The following CAMK4 variants were observed in gnomAD, a reference collection of about 807,000 sequenced individuals.
CAMK4 encodes calcium/calmodulin-dependent protein kinase type IV.
CAMK4 carries 22 observed loss-of-function variants against 44.9 expected under a neutral mutation model. The ratio of observed to expected loss-of-function variants is 0.49; its 90% CI spans 0.35 to 0.70. CAMK4 has a LOEUF of 0.70. Ranked by LOEUF, CAMK4 falls within the 30% of genes least tolerant of loss-of-function variation. CAMK4 has a pLI of 0.01. For synonymous variants in CAMK4, 218 were observed against 215.4 expected (o/e 1.01, Z -0.11); for missense variants, 498 against 586.8 (o/e 0.85, Z 1.56).
chr5:111,481,616 T>C (rs1479080112), intron 9 of CAMK4, among the ~76,000 whole-genome samples: 2 of 152,198 alleles, frequency 1.3e-5, no homozygotes, highest in Admixed American at 1.3e-4. Context: ...TCAAAGCTCC[T>C]TATTTTGCAC....
intron 5 of CAMK4, among the ~76,000 whole-genome samples, chr5:111,407,306 G>C (rs905666742): frequency 6.7e-6 from 1 of 149,904 alleles, no homozygotes; most frequent in Non-Finnish European, 1.5e-5. Flanking sequence ...AGCTGAGATC[G>C]CGCCACTGCA....
intron 1 of CAMK4, among the ~76,000 whole-genome samples, chr5:111,281,364 T>C (rs1217142517): frequency 6.6e-6 from 1 of 152,226 alleles, no homozygotes; most frequent in African/African-American, 2.4e-5. Context: ...AATAATGTTT[T>C]TCTTGCAACC....
chr5:111,332,749 A>C (rs1344169196), intron 1 of CAMK4, among the ~76,000 whole-genome samples: 1 of 151,678 alleles, frequency 6.6e-6, no homozygotes, highest in Non-Finnish European at 1.5e-5. Context: ...CAGGGATTAC[A>C]ACATTGGTGC....
At chr5:111,368,422 C>T (rs947154618) in intron 2 of CAMK4, among the ~76,000 whole-genome samples, 4 of 152,142 alleles carry the variant, frequency 2.6e-5, no homozygotes, top group African/African-American at 7.2e-5. Flanking sequence ...AAAACACCAA[C>T]TTCTGTAATG....
intron 2 of CAMK4, among the ~76,000 whole-genome samples, chr5:111,371,656 A>T (rs1320543626): frequency 1.3e-5 from 2 of 152,214 alleles, no homozygotes; most frequent in African/African-American, 4.8e-5. Flanking sequence ...TAAAATTTCC[A>T]GTTCAATAAA....
intron 1 of CAMK4, among the ~76,000 whole-genome samples, chr5:111,253,084 C>T (rs535341904): frequency 1.2e-4 from 18 of 152,304 alleles, no homozygotes; most frequent in African/African-American, 3.1e-4. Context: ...ACTTGGCTTC[C>T]GCTGATTAAA....
Position 111,489,019 on chromosome 5 carries a change from C to T in CAMK4, c.*4553C>T, listed in dbSNP as rs1755724985. ...TGTTCATCACTGATATGTTCCTGATCAGGGTCATTGCTAGTAGTTGAGCAT... is the reference window on the plus strand; with the variant it reads ...TGTTCATCACTGATATGTTCCTGATTAGGGTCATTGCTAGTAGTTGAGCAT... On this transcript the variant is annotated 3_prime_UTR_variant, in exon 11 of 11. Coordinates refer to ENST00000282356, the MANE Select transcript of CAMK4 (RefSeq NM_001744.6). The T allele has an allele frequency of 6.6e-6, 1 of 152,130 alleles. No individual in the cohort carries two copies. The highest frequency in any genetic ancestry group is 1.5e-5 in the Non-Finnish European group (1 of 68,012). 9.4% of individuals were successfully genotyped at this position (152,130 alleles called of 1,614,324 possible). A position where few individuals can be genotyped will look rare whatever the true frequency, so the allele number is the denominator to read the frequency against.
chr5:111,330,706 T>C (rs1644505), intron 1 of CAMK4, among the ~76,000 whole-genome samples: 63,403 of 149,264 alleles, frequency 0.42, 13,804 homozygotes, highest in South Asian at 0.57. Context: ...TTGGTGTCAA[T>C]AGTGGATCTG....
chr5:111,479,108 C>A lies in CAMK4; in HGVS notation c.828+601C>A, dbSNP rs150852287. Among the ~76,000 whole-genome samples, 4 of 152,194 alleles carry A rather than the reference C, an allele frequency of 2.6e-5. No homozygotes were observed. In the East Asian group the frequency reaches 7.7e-4, roughly 29 times the overall value. Reference sequence around the variant, plus strand: ...TGCCCAGGCTGGTCTCAAACTCCTGCCCTCAGGCGATCCTCCCACTGTGGC... The same window carrying A: ...TGCCCAGGCTGGTCTCAAACTCCTGACCTCAGGCGATCCTCCCACTGTGGC... On this transcript the variant is annotated intron_variant, in intron 9 of 10. Transcript: ENST00000282356.
intron 1 of CAMK4, among the ~76,000 whole-genome samples, chr5:111,278,296 G>C (rs1750859903): frequency 6.6e-6 from 1 of 152,166 alleles, no homozygotes; most frequent in Admixed American, 6.5e-5. Flanking sequence ...AATGGACATT[G>C]ACTCAAATCC....
intron 1 of CAMK4, among the ~76,000 whole-genome samples, chr5:111,331,693 A>G (rs1749173609): frequency 6.6e-6 from 1 of 151,602 alleles, no homozygotes; most frequent in African/African-American, 2.4e-5. Flanking sequence ...CACCAGTAGT[A>G]AGGGATTACA....
intron 1 of CAMK4, among the ~76,000 whole-genome samples, chr5:111,228,080 C>T (rs775533034): frequency 7.2e-5 from 11 of 152,184 alleles, no homozygotes; most frequent in Non-Finnish European, 1.6e-4. Flanking sequence ...TTCGTCTGTG[C>T]ATGCAAACCC....
At chr5:111,247,258 CATTT>C (rs1749282070) in intron 1 of CAMK4, among the ~76,000 whole-genome samples, 1 of 148,846 alleles carries the variant, frequency 6.7e-6, no homozygotes, top group African/African-American at 2.4e-5. Flanking sequence ...CACATTGATT[CATTT>C]ATTTTTATTT....
chr5:111,449,121 G>C lies in CAMK4; in HGVS notation c.551-8G>C. Reference sequence around the variant, plus strand: ...GTGCTTCATTAAATTTTTTTCTTGTGTTATTAGCTGATTTTGGACTCTCTA... The same window carrying C: ...GTGCTTCATTAAATTTTTTTCTTGTCTTATTAGCTGATTTTGGACTCTCTA... On this transcript the variant is annotated splice_polypyrimidine_tract_variant and splice_region_variant and intron_variant, in intron 6 of 10. Transcript: ENST00000282356. 1 of 1,388,278 alleles carries C rather than the reference G, an allele frequency of 7.2e-7. No homozygotes were observed. 86.0% of individuals were successfully genotyped at this position (1,388,278 alleles called of 1,614,324 possible).
At chr5:111,398,179 G>A (rs548572862) in intron 5 of CAMK4, among the ~76,000 whole-genome samples, 1 of 152,286 alleles carries the variant, frequency 6.6e-6, no homozygotes, top group East Asian at 1.9e-4. Context: ...TAACCATCTT[G>A]CATTAGCATA....
chr5:111,410,907 G>C (rs1053996166), intron 5 of CAMK4, among the ~76,000 whole-genome samples: 3 of 152,094 alleles, frequency 2.0e-5, no homozygotes, highest in African/African-American at 7.2e-5. Context: ...ACACTTCCTA[G>C]GTGTTGGTAG....
intron 10 of CAMK4, among the ~76,000 whole-genome samples, chr5:111,483,647 C>T (rs1045750830): frequency 8.5e-5 from 13 of 152,238 alleles, no homozygotes; most frequent in African/African-American, 2.9e-4. Flanking sequence ...AGTTTGATCA[C>T]GGAACTCTTA....
At chr5:111,302,172 T>C (rs1419927057) in intron 1 of CAMK4, 1 of 152,228 alleles carries the variant, frequency 6.6e-6, no homozygotes, top group African/African-American at 2.4e-5. Context: ...AAATTAAACA[T>C]TTTTGGAAAC....
chr5:111,244,537 C>T (rs1208157510), intron 1 of CAMK4, among the ~76,000 whole-genome samples: 1 of 152,192 alleles, frequency 6.6e-6, no homozygotes, highest in Non-Finnish European at 1.5e-5. Flanking sequence ...TAGTGTCCCA[C>T]TCACTTTTAA....
Sources: gnomAD v4.1 joint callset for allele counts (sites outside exome capture counted in the v4.1 genomes callset) on GRCh38, gnomAD v4.1.1 for gene constraint, MANE v1.5 for transcripts, NCBI Gene and HGNC (gene_info 2026-07-23, HGNC 2026-07-21) for gene names.